Variants in GLIS3 observed in about 807,000 individuals in gnomAD.
The protein encoded by GLIS3 is zinc finger protein GLIS3.
A neutral mutation model predicts 78.6 loss-of-function variants in GLIS3; 53 were observed. The observed-to-expected ratio is 0.67, with a 90% CI of 0.54 to 0.85. The LOEUF is 0.85. Among genes scored for constraint, GLIS3 ranks in the 40% least tolerant of loss-of-function variants. GLIS3 has a pLI of 0.00. For synonymous variants in GLIS3, 684 were observed against 509.9 expected (o/e 1.34, Z -4.60); for missense variants, 1,703 against 1,231.1 (o/e 1.38, Z -5.74).
chr9:3,840,481 A>C (rs1247820833), intron 9 of GLIS3, among the ~76,000 whole-genome samples: 1 of 152,202 alleles, frequency 6.6e-6, no homozygotes, highest in Non-Finnish European at 1.5e-5. Flanking sequence ...CAGCTCACAG[A>C]CTGTGTTAGG....
At chr9:4,375,633 G>A in the GLIS3 span, among the ~76,000 whole-genome samples, 7 of 152,174 alleles carry the variant, frequency 4.6e-5, no homozygotes, top group East Asian at 3.9e-4. Context: ...AGAACTACAC[G>A]TCCCTCCTTA....
chr9:4,045,133 A>G (rs1398395667), intron 4 of GLIS3, among the ~76,000 whole-genome samples: 1 of 152,100 alleles, frequency 6.6e-6, no homozygotes, highest in Non-Finnish European at 1.5e-5. Flanking sequence ...TTTGAATTCC[A>G]AGTCCTGACA....
At chr9:4,000,322 A>G (rs938799967) in intron 4 of GLIS3, among the ~76,000 whole-genome samples, 1 of 152,178 alleles carries the variant, frequency 6.6e-6, no homozygotes, top group South Asian at 2.1e-4. Flanking sequence ...ATGTGTGGTA[A>G]AACTTTAAGG....
intron 8 of GLIS3, among the ~76,000 whole-genome samples, chr9:3,870,371 G>C (rs887335297): frequency 2.0e-5 from 3 of 152,062 alleles, no homozygotes; most frequent in Non-Finnish European, 4.4e-5. Flanking sequence ...AGAAAATTAA[G>C]ATGAAAATTA....
chr9:4,361,871 G>A, the GLIS3 span, among the ~76,000 whole-genome samples: 2 of 152,170 alleles, frequency 1.3e-5, no homozygotes, highest in Non-Finnish European at 2.9e-5. Context: ...GTAAAGGGAG[G>A]GACCTTGTAA....
chr9:4,051,771 G>T (rs971567536), intron 4 of GLIS3, among the ~76,000 whole-genome samples: 1 of 152,162 alleles, frequency 6.6e-6, no homozygotes, highest in Non-Finnish European at 1.5e-5. Flanking sequence ...ATGTCAGATG[G>T]ATGACACACC....
At chr9:3,965,575 A>C (rs1234376771) in intron 4 of GLIS3, among the ~76,000 whole-genome samples, 2 of 152,204 alleles carry the variant, frequency 1.3e-5, no homozygotes, top group Non-Finnish European at 2.9e-5. Flanking sequence ...AACAGTCTAA[A>C]GAAAAGTTGT....
chr9:4,071,043 C>G (rs558360129), intron 4 of GLIS3: 1 of 152,176 alleles, frequency 6.6e-6, no homozygotes, highest in East Asian at 1.9e-4. Context: ...ATGCTTTGAC[C>G]AATGTTATGC....
At chr9:4,400,280 G>C in the GLIS3 span, among the ~76,000 whole-genome samples, 826 of 152,338 alleles carry the variant, frequency 5.4e-3, 5 homozygotes, top group Non-Finnish European at 8.1e-3. Context: ...GGAGGCAGTT[G>C]AAATAATACG....
At chr9:4,076,386 A>G (rs1369105633) in intron 4 of GLIS3, among the ~76,000 whole-genome samples, 1 of 152,252 alleles carries the variant, frequency 6.6e-6, no homozygotes, top group Non-Finnish European at 1.5e-5. Flanking sequence ...CTATGCATTC[A>G]TCAACGCATA....
intron 1 of GLIS3, among the ~76,000 whole-genome samples, chr9:4,295,686 T>A (rs957716143): frequency 6.6e-6 from 1 of 152,216 alleles, no homozygotes; most frequent in African/African-American, 2.4e-5. Flanking sequence ...TGTTTCTTGA[T>A]CTGGAGACTA....
At chr9:4,462,079 C>A in the GLIS3 span, among the ~76,000 whole-genome samples, 9 of 152,074 alleles carry the variant, frequency 5.9e-5, no homozygotes, top group Admixed American at 5.9e-4. Context: ...TGTTACAGAA[C>A]AATAATTCTC....
chr9:4,027,213 C>T (rs1331433076), intron 4 of GLIS3, among the ~76,000 whole-genome samples: 1 of 152,222 alleles, frequency 6.6e-6, no homozygotes, highest in South Asian at 2.1e-4. Flanking sequence ...ATTTATTTAA[C>T]TGAACAACGC....
chr9:4,396,324 G>C, the GLIS3 span, among the ~76,000 whole-genome samples: 1 of 151,794 alleles, frequency 6.6e-6, no homozygotes, highest in African/African-American at 2.4e-5. Context: ...TCACCAGGTT[G>C]ATCTCGAGTT....
chr9:4,178,728 A>T (rs1022104887), intron 2 of GLIS3, among the ~76,000 whole-genome samples: 1 of 152,166 alleles, frequency 6.6e-6, no homozygotes, highest in African/African-American at 2.4e-5. Context: ...ATTTTTCCTG[A>T]TGTATATAGG....
At chr9:3,884,781 G>A (rs1046949017) in intron 7 of GLIS3, among the ~76,000 whole-genome samples, 1 of 152,096 alleles carries the variant, frequency 6.6e-6, no homozygotes, top group African/African-American at 2.4e-5. Context: ...TAGCGGGGCT[G>A]GAATTCAAAT....
At chr9:4,038,958 C>T (rs913371361) in intron 4 of GLIS3, among the ~76,000 whole-genome samples, 47 of 152,186 alleles carry the variant, frequency 3.1e-4, no homozygotes, top group African/African-American at 1.1e-3. Flanking sequence ...AACTGCCCTC[C>T]CCATGTCTTC....
At chr9:4,136,319 C>A (rs1231302478) in intron 2 of GLIS3, among the ~76,000 whole-genome samples, 2 of 152,180 alleles carry the variant, frequency 1.3e-5, no homozygotes, top group Non-Finnish European at 2.9e-5. Context: ...CTAGGTAATT[C>A]ATCAAAGAAG....
At chr9:4,480,539 G>T in the GLIS3 span, among the ~76,000 whole-genome samples, 3 of 152,004 alleles carry the variant, frequency 2.0e-5, no homozygotes, top group African/African-American at 7.2e-5. Flanking sequence ...GAGGAATATG[G>T]CATATTCTTT....
Sources: gnomAD v4.1 joint callset for allele counts (sites outside exome capture counted in the v4.1 genomes callset) on GRCh38, gnomAD v4.1.1 for gene constraint, MANE v1.5 for transcripts, NCBI Gene and HGNC (gene_info 2026-07-23, HGNC 2026-07-21) for gene names.